Variants in RSPH1 observed in about 807,000 individuals in gnomAD.
The protein encoded by RSPH1 is radial spoke head component 1.
In RSPH1, 32 loss-of-function variants were observed where a neutral mutation model predicts 44.2. That is an observed-to-expected ratio of 0.72 (90% CI 0.55 to 0.97). The LOEUF is 0.97. Ranked by LOEUF, RSPH1 falls within the 50% of genes least tolerant of loss-of-function variation. The pLI is 0.00. For missense variants in RSPH1, 391 were observed against 398.7 expected (o/e 0.98, Z 0.16); for synonymous variants, 134 against 147.3 (o/e 0.91, Z 0.65).
At chr21:42,478,659 C>G (rs979614550) in intron 6 of RSPH1, among the ~76,000 whole-genome samples, 15 of 152,186 alleles carry the variant, frequency 9.9e-5, no homozygotes, top group African/African-American at 2.9e-4. Flanking sequence ...AAAAGCGAAA[C>G]AGCATCACCA....
At chr21:42,489,648 G>A (rs955072009) in intron 3 of RSPH1, among the ~76,000 whole-genome samples, 18 of 152,196 alleles carry the variant, frequency 1.2e-4, no homozygotes, top group South Asian at 2.1e-4. Context: ...GGAAACACTC[G>A]GTGTCAGACC....
At chr21:42,481,488 G>A (rs7276551) in intron 6 of RSPH1, among the ~76,000 whole-genome samples, 2,936 of 152,284 alleles carry the variant, frequency 0.019, 97 homozygotes, top group African/African-American at 0.067. Context: ...CAAACAAGCC[G>A]TTCCCCGGCT....
At chr21:42,477,168 GC>G (rs1216136846) in intron 7 of RSPH1, 122 bp downstream of exon 7, 1 of 507,736 alleles carries the variant, frequency 2.0e-6, no homozygotes, top group African/African-American at 3.0e-5. Context: ...GCCCGGGGAT[GC>G]CCCACACCCT....
intron 6 of RSPH1, among the ~76,000 whole-genome samples, chr21:42,479,130 A>G (rs2054100328): frequency 1.3e-5 from 2 of 152,214 alleles, no homozygotes; most frequent in African/African-American, 2.4e-5. Flanking sequence ...ATAAACGTAC[A>G]TATAAAACCA....
At chr21:42,489,682 C>T (rs149909875) in intron 3 of RSPH1, among the ~76,000 whole-genome samples, 126 of 152,294 alleles carry the variant, frequency 8.3e-4, no homozygotes, top group African/African-American at 2.9e-3. Flanking sequence ...CGTGCACTTG[C>T]CACAGCATTT....
intron 5 of RSPH1, 178 bp downstream of exon 5, chr21:42,485,491 T>G (rs1204801546): frequency 1.5e-6 from 1 of 666,558 alleles, no homozygotes; most frequent in Non-Finnish European, 2.5e-6. Context: ...CCCCCAATTC[T>G]GTGCTCTGTG....
chr21:42,495,277 C>T (rs746395406), intron 1 of RSPH1, among the ~76,000 whole-genome samples: 13 of 152,228 alleles, frequency 8.5e-5, no homozygotes, highest in Non-Finnish European at 1.6e-4. Flanking sequence ...AGTAGCAAAT[C>T]AGGCGGAAGC....
intron 7 of RSPH1, 75 bp from the exon 8 acceptor site, chr21:42,476,122 C>T: frequency 6.7e-7 from 1 of 1,491,686 alleles, no homozygotes; most frequent in Non-Finnish European, 9.2e-7. Context: ...GGGCAGCTGT[C>T]CCCTGGGCTG....
At chr21:42,486,299 G>A (rs1398314601) in intron 4 of RSPH1, 72 bp downstream of exon 4, 9 of 1,125,260 alleles carry the variant, frequency 8.0e-6, no homozygotes, top group East Asian at 4.7e-5. Flanking sequence ...CTCAGTAAGT[G>A]TAAACAATCT....
chr21:42,475,314 C>G (rs184702012), intron 8 of RSPH1, among the ~76,000 whole-genome samples: 15 of 152,256 alleles, frequency 9.9e-5, no homozygotes, highest in African/African-American at 3.6e-4. Context: ...TCATGCAAAT[C>G]CCAGCACTTT....
At position 42,474,524 on chromosome 21, in the gene RSPH1, C is replaced by T. The variant is rs1352965499; in HGVS notation, c.877+1374G>A. Among the ~76,000 whole-genome samples, 1 of 152,266 alleles carries T rather than the reference C, an allele frequency of 6.6e-6. No homozygotes were observed. Among genetic ancestry groups the T allele is most frequent in the Non-Finnish European group, 1.5e-5 (1 of 68,052 alleles). On this transcript the variant is annotated intron_variant, in intron 8 of 8. Transcript: ENST00000291536. The surrounding 1 kb of genome is among the most constrained non-coding windows in gnomAD (Gnocchi z 5.2). ...TCAAACCCAGTGTCTCCCCCTCCAG[C>T]TGTGCTCCACAGTGACTAAGGACTG...
At chr21:42,477,580 G>GCAACTGGTCT in intron 6 of RSPH1, 136 bp from the exon 7 acceptor site, 1 of 816,618 alleles carries the variant, frequency 1.2e-6, no homozygotes, top group Non-Finnish European at 2.0e-6. Flanking sequence ...ACGTCACTCA[G>GCAACTGGTCT]GAATCAGACC....
In RSPH1 at chr21:42,485,768, G is replaced by A; in HGVS notation, c.402C>T (p.Gly134=). 1 of 1,614,176 alleles carries A rather than the reference G, an allele frequency of 6.2e-7. No homozygotes were observed. The highest frequency in any genetic ancestry group is 1.6e-4 in the Middle Eastern group (1 of 6,062). Residue 134 remains glycine, a synonymous_variant, in exon 5 of 9, where the codon GGC becomes GGT. Transcript: ENST00000291536. ...GQGTYLYAET[G]SKYVGTWVNG... is the part of the protein sequence containing the mutation. Reference sequence around the variant, plus strand: ...TCACCCAGGTGCCAACATACTTACTGCCCGTCTCCGCGTATAAATAGGTGC... The same window carrying A: ...TCACCCAGGTGCCAACATACTTACTACCCGTCTCCGCGTATAAATAGGTGC...
At chr21:42,494,825 G>A (rs937652514) in intron 1 of RSPH1, among the ~76,000 whole-genome samples, 3 of 150,856 alleles carry the variant, frequency 2.0e-5, no homozygotes, top group Non-Finnish European at 4.4e-5. Context: ...TCAGCCTCCC[G>A]AGTAGCTGGG....
chr21:42,479,657 C>A (rs936662146), intron 6 of RSPH1, among the ~76,000 whole-genome samples: 2 of 151,860 alleles, frequency 1.3e-5, no homozygotes, highest in African/African-American at 4.8e-5. Context: ...ATACTAAATA[C>A]CTCCCTGTCA....
chr21:42,487,699 T>A (rs2054193984), intron 3 of RSPH1, among the ~76,000 whole-genome samples: 1 of 152,224 alleles, frequency 6.6e-6, no homozygotes, highest in Non-Finnish European at 1.5e-5. Flanking sequence ...TCTCAAAACT[T>A]ACATAAGCTT....
Position 42,475,769 on chromosome 21 carries a change from G to T in RSPH1, c.877+129C>A, listed in dbSNP as rs531212666. 9 of 951,676 alleles carry T rather than the reference G, an allele frequency of 9.5e-6. No homozygotes were observed. In the African/African-American group the frequency reaches 1.5e-4, roughly 16 times the overall value. 59.0% of individuals were successfully genotyped at this position (951,676 alleles called of 1,614,324 possible). A position where few individuals can be genotyped will look rare whatever the true frequency, so the allele number is the denominator to read the frequency against. ...TGGCTCCAGTGAGCGCTCACAGGGGGCCCCCTAAGCCTTCCTCGAGTCCCT... is the reference window on the plus strand; with the variant it reads ...TGGCTCCAGTGAGCGCTCACAGGGGTCCCCCTAAGCCTTCCTCGAGTCCCT... On this transcript the variant is annotated intron_variant, in intron 8 of 8. Coordinates refer to ENST00000291536, the MANE Select transcript of RSPH1 (RefSeq NM_080860.4).
intron 6 of RSPH1, among the ~76,000 whole-genome samples, chr21:42,480,851 C>T (rs2054120988): frequency 6.6e-6 from 1 of 152,118 alleles, no homozygotes; most frequent in African/African-American, 2.4e-5. Context: ...CCAAGCTCCC[C>T]ACAGTGTGGC....
intron 7 of RSPH1, among the ~76,000 whole-genome samples, chr21:42,476,782 ACT>A (rs1260575222): frequency 2.0e-5 from 3 of 151,948 alleles, no homozygotes; most frequent in African/African-American, 7.2e-5. Context: ...TGTCCAATCA[ACT>A]CTGTTTCTTT....
Sources: gnomAD v4.1 joint callset for allele counts (sites outside exome capture counted in the v4.1 genomes callset) on GRCh38, gnomAD v4.1.1 for gene constraint, Gnocchi (gnomAD v3.1) non-coding constraint, MANE v1.5 for transcripts, NCBI Gene and HGNC (gene_info 2026-07-23, HGNC 2026-07-21) for gene names.